The following AGBL4 variants were observed in gnomAD, a reference collection of about 807,000 sequenced individuals.
The protein encoded by AGBL4 is cytosolic carboxypeptidase 6.
A neutral mutation model predicts 66.4 loss-of-function variants in AGBL4; 58 were observed. The observed-to-expected ratio is 0.87, with a 90% CI of 0.71 to 1.09. The LOEUF (loss-of-function observed/expected upper bound fraction) is 1.09, where lower values mean the gene tolerates loss of function less well. Among genes scored for constraint, AGBL4 ranks in the 50% least tolerant of loss-of-function variants. The pLI is 0.00. For synonymous variants in AGBL4, 234 were observed against 222.9 expected (o/e 1.05, Z -0.44); for missense variants, 579 against 631.0 (o/e 0.92, Z 0.88).
At chr1:49,955,115 TACAG>T (rs1248061403) in intron 1 of AGBL4, among the ~76,000 whole-genome samples, 2 of 151,928 alleles carry the variant, frequency 1.3e-5, no homozygotes, top group African/African-American at 2.4e-5. Flanking sequence ...GTGACTCGCT[TACAG>T]ACAAAGGATT....
In AGBL4 at chr1:48,663,132, T is replaced by C; in HGVS notation, c.724+20A>G. On this transcript the variant is annotated intron_variant, in intron 7 of 13. Transcript: ENST00000371839. ...CAGTTGGATGTGGGTATAGGATACCTATGAGATCCTGCCACTCACCTTGGC... is the reference window on the plus strand; with the variant it reads ...CAGTTGGATGTGGGTATAGGATACCCATGAGATCCTGCCACTCACCTTGGC... 6.2e-7 allele frequency: 1 copy of C among 1,612,694 alleles called. No individual in the cohort carries two copies. The highest frequency in any genetic ancestry group is 2.2e-5 in the East Asian group (1 of 44,874).
At chr1:49,185,700 T>G (rs1269565281) in intron 4 of AGBL4, among the ~76,000 whole-genome samples, 1 of 152,140 alleles carries the variant, frequency 6.6e-6, no homozygotes, top group Non-Finnish European at 1.5e-5. Flanking sequence ...ACCTCCCTGC[T>G]TCATGACCCA....
chr1:48,639,654 A>T (rs1459256196), intron 8 of AGBL4, among the ~76,000 whole-genome samples: 1 of 152,242 alleles, frequency 6.6e-6, no homozygotes, highest in Non-Finnish European at 1.5e-5. Flanking sequence ...CTAGTCAAGG[A>T]TGACCAATAT....
At chr1:49,690,689 T>C (rs1646869997) in intron 3 of AGBL4, among the ~76,000 whole-genome samples, 1 of 152,182 alleles carries the variant, frequency 6.6e-6, no homozygotes, top group South Asian at 2.1e-4. Context: ...ATTTTAGCTA[T>C]TAATGTAATA....
At chr1:48,863,337 C>A (rs1475980937) in intron 6 of AGBL4, among the ~76,000 whole-genome samples, 1 of 151,384 alleles carries the variant, frequency 6.6e-6, no homozygotes, top group Non-Finnish European at 1.5e-5. Context: ...GTTTAAAAGG[C>A]AGAAAAGAAA....
chr1:48,798,233 T>C (rs1645734440), intron 6 of AGBL4, among the ~76,000 whole-genome samples: 1 of 152,218 alleles, frequency 6.6e-6, no homozygotes, highest in Admixed American at 6.5e-5. Flanking sequence ...TAATTAGTGA[T>C]GTTGAGCATT....
At chr1:48,616,832 C>T (rs1645326784) in intron 9 of AGBL4, among the ~76,000 whole-genome samples, 1 of 152,236 alleles carries the variant, frequency 6.6e-6, no homozygotes, top group South Asian at 2.1e-4. Flanking sequence ...AGGCCTTTGC[C>T]TCTGCAGGAT....
chr1:48,714,545 G>C (rs188005941), intron 6 of AGBL4, among the ~76,000 whole-genome samples: 21 of 151,894 alleles, frequency 1.4e-4, no homozygotes, highest in Non-Finnish European at 2.4e-4. Flanking sequence ...CACATTTCTT[G>C]CCGGACTATT....
chr1:49,278,800 T>C (rs940452038), intron 3 of AGBL4, among the ~76,000 whole-genome samples: 2 of 152,096 alleles, frequency 1.3e-5, no homozygotes, highest in African/African-American at 4.8e-5. Context: ...AAAATAAATA[T>C]TTATTTATTA....
At chr1:49,115,799 A>T (rs1355727150) in intron 4 of AGBL4, among the ~76,000 whole-genome samples, 1 of 152,150 alleles carries the variant, frequency 6.6e-6, no homozygotes, top group Non-Finnish European at 1.5e-5. Flanking sequence ...AAATTCAGAT[A>T]AATCTTACAA....
chr1:49,606,524 A>AT (rs1031531571), intron 3 of AGBL4, among the ~76,000 whole-genome samples: 1 of 152,116 alleles, frequency 6.6e-6, no homozygotes, highest in Non-Finnish European at 1.5e-5. Flanking sequence ...TGGTCACAGA[A>AT]ATATGGCCTG....
chr1:49,347,100 C>T (rs1455283415), intron 3 of AGBL4, among the ~76,000 whole-genome samples: 1 of 152,134 alleles, frequency 6.6e-6, no homozygotes, highest in African/African-American at 2.4e-5. Context: ...CAAAGATTAA[C>T]AATCCTTTGT....
intron 4 of AGBL4, among the ~76,000 whole-genome samples, chr1:49,220,073 A>C (rs1649383463): frequency 6.6e-6 from 1 of 152,150 alleles, no homozygotes; most frequent in Non-Finnish European, 1.5e-5. Flanking sequence ...AAAATAAACC[A>C]CAAAAAGTTC....
intron 9 of AGBL4, among the ~76,000 whole-genome samples, chr1:48,629,907 T>C (rs1260861511): frequency 6.6e-6 from 1 of 152,174 alleles, no homozygotes; most frequent in Non-Finnish European, 1.5e-5. Flanking sequence ...TTCTTCCTTT[T>C]ATCAGGAAAG....
intron 1 of AGBL4, among the ~76,000 whole-genome samples, chr1:49,953,414 T>A (rs561082615): frequency 6.6e-6 from 1 of 152,062 alleles, no homozygotes; most frequent in African/African-American, 2.4e-5. Flanking sequence ...TCATCAAACA[T>A]ACTTAGTACT....
intron 3 of AGBL4, among the ~76,000 whole-genome samples, chr1:49,552,137 G>A (rs974731160): frequency 9.9e-5 from 15 of 152,094 alleles, no homozygotes; most frequent in African/African-American, 2.4e-4. Flanking sequence ...CTGAAGGGCC[G>A]GTCTCACTCC....
At chr1:49,992,863 C>A (rs2148405843) in intron 1 of AGBL4, among the ~76,000 whole-genome samples, 1 of 152,300 alleles carries the variant, frequency 6.6e-6, no homozygotes, top group Admixed American at 6.5e-5. Context: ...TGAATGTTCC[C>A]ACTAAGGGAA....
chr1:50,023,660 G>A, intron 1 of AGBL4, 103 bp downstream of exon 1: 2 of 1,365,004 alleles, frequency 1.5e-6, no homozygotes, highest in Non-Finnish European at 1.9e-6. Flanking sequence ...AAATATACAG[G>A]ACCGCCTCCT....
chr1:49,418,363 C>A (rs1645473592), intron 3 of AGBL4, among the ~76,000 whole-genome samples: 1 of 152,150 alleles, frequency 6.6e-6, no homozygotes, highest in Non-Finnish European at 1.5e-5. Context: ...GAAATAGATA[C>A]TGTGACAAGA....
Sources: allele counts gnomAD v4.1 joint callset (sites outside exome capture counted in the v4.1 genomes callset), GRCh38; gene constraint gnomAD v4.1.1; transcripts MANE v1.5; gene names NCBI Gene and HGNC (gene_info 2026-07-23, HGNC 2026-07-21).